The following IKZF4 variants were observed in gnomAD, a reference collection of about 807,000 sequenced individuals.
IKZF4 encodes the protein zinc finger protein Eos.
In IKZF4, 11 loss-of-function variants were observed where a neutral mutation model predicts 47.7. That is an observed-to-expected ratio of 0.23 (90% CI 0.15 to 0.38). The LOEUF (loss-of-function observed/expected upper bound fraction) is 0.38. IKZF4 is among the 10% of genes least tolerant of loss of function. IKZF4 has a pLI of 1.00. For missense variants in IKZF4, 557 were observed against 784.9 expected (o/e 0.71, Z 3.47); for synonymous variants, 298 against 299.4 (o/e 1.00, Z 0.05).
In IKZF4 at chr12:56,021,107, A is replaced by G; in HGVS notation, c.-387A>G. 7.3e-7 allele frequency: 1 copy of G among 1,365,128 alleles called. No homozygotes were observed. The allele number at this position is 1,365,128 out of a possible 1,614,324, so 84.6% of individuals were successfully genotyped here. ...CTTTGTCTGCTGGGCACGAGGGGCA[A>G]CAGCATCTGCCTTTCCCTCCCTGTG... On this transcript the variant is annotated 5_prime_UTR_variant, in exon 1 of 8. Coordinates refer to ENST00000547167, the MANE Select transcript of IKZF4 (RefSeq NM_022465.4).
At position 56,035,139 on chromosome 12, in the gene IKZF4, G is replaced by A. The variant is rs773586458; in HGVS notation, c.1566G>A (p.Glu522=). The A allele has an allele frequency of 4.3e-6, 7 of 1,614,042 alleles. No homozygotes were observed. Among genetic ancestry groups the A allele is most frequent in the Non-Finnish European group, 4.2e-6 (5 of 1,179,924 alleles). The change falls in exon 8 of 8, where the codon GAG becomes GAA. Residue 522 remains glutamate (E), a synonymous_variant. Coordinates refer to ENST00000547167, the MANE Select transcript of IKZF4 (RefSeq NM_022465.4). This position sits in a 1 kb window ranked among gnomAD's most constrained non-coding sequence, Gnocchi z 6.1. The part of the protein sequence containing the change: ...PSKEVLRVVG[E]SGEPVKAFKC... ...AGGAAGTGCTTCGGGTGGTGGGCGA[G>A]AGTGGTGAGCCTGTGAAGGCCTTCA... is the stretch of plus-strand genomic sequence containing the variant.
At chr12:56,034,091 C>T (rs979164039) in intron 7 of IKZF4, among the ~76,000 whole-genome samples, 14 of 152,028 alleles carry the variant, frequency 9.2e-5, no homozygotes, top group Admixed American at 2.0e-4. Context: ...TTAGTAGAGA[C>T]GGGGTTTCAC....
At chr12:56,014,877 G>A (rs1434066429) in intron 2 of IKZF4, among the ~76,000 whole-genome samples, 11 of 152,190 alleles carry the variant, frequency 7.2e-5, no homozygotes, top group Admixed American at 2.0e-4. Flanking sequence ...TTAATAGAAA[G>A]AGGACACCTC....
rs1331409393 is a variant in IKZF4, at chr12:56,035,878, G to C, written c.*547G>C. On this transcript the variant is annotated 3_prime_UTR_variant, in exon 8 of 8. Coordinates refer to ENST00000547167, the MANE Select transcript of IKZF4 (RefSeq NM_022465.4). The surrounding 1 kb of genome is among the most constrained non-coding windows in gnomAD (Gnocchi z 6.1). ...CTCCTCTCTGGGACTCTTCAACCTGGTACTCCATACCTCTTGTGCCCTCTC... is the reference window on the plus strand; with the variant it reads ...CTCCTCTCTGGGACTCTTCAACCTGCTACTCCATACCTCTTGTGCCCTCTC... 1.3e-5 allele frequency: 2 copies of C among 153,232 alleles called. No homozygotes were observed. The highest frequency in any genetic ancestry group is 2.9e-5 in the Non-Finnish European group (2 of 68,582). The allele number at this position is 153,232 out of a possible 1,614,324, so 9.5% of individuals were successfully genotyped here.
rs751214580 is a variant in IKZF4 at position 56,025,162 on chromosome 12, A to G, written c.286+4A>G. On this transcript the variant is annotated splice_donor_region_variant and intron_variant, in intron 3 of 7. Transcript: ENST00000547167. ...TCTCCTAGCCGCTCACTCAGTGGTA[A>G]GTGTAACCTCCTACCACCTCCTGGC... is the stretch of plus-strand genomic sequence containing the variant. 1 of 1,571,576 alleles carries G rather than the reference A, an allele frequency of 6.4e-7. No homozygotes were observed. The highest frequency in any genetic ancestry group is 8.6e-7 in the Non-Finnish European group (1 of 1,161,834).
At chr12:56,011,290 A>T (rs1891296667) in intron 1 of IKZF4, 1 of 152,198 alleles carries the variant, frequency 6.6e-6, no homozygotes, top group Non-Finnish European at 1.5e-5. Flanking sequence ...TATGTATCAT[A>T]TCTAGTGATT....
At position 56,034,837 on chromosome 12, in the gene IKZF4, G is replaced by T; in HGVS notation, c.1264G>T (p.Gly422Cys). 6.2e-7 allele frequency: 1 copy of T among 1,613,820 alleles called. No homozygotes were observed. The highest frequency in any genetic ancestry group is 8.5e-7 in the Non-Finnish European group (1 of 1,179,788). The change falls in exon 8 of 8, where the codon GGT (glycine) becomes TGT (cysteine). Residue 422 changes from glycine to cysteine, a missense_variant. Gly to Cys is a radical substitution (Grantham distance 159). Around this residue, in one of 6 missense-constraint regions of IKZF4, gnomAD observed 280 missense variants for 314.0 expected, o/e 0.89. Coordinates refer to ENST00000547167, the MANE Select transcript of IKZF4 (RefSeq NM_022465.4). ...GGAGCTTCCAGGATCCCGAGAAGCA[G>T]GTGAGGGACCTGAGGACCTGGCTGA... ...RLELPGSREA[G>C]EGPEDLADGG...
Position 56,036,695 on chromosome 12 carries a change from C to G in IKZF4, c.*1364C>G, listed in dbSNP as rs531093153. 1 of 152,318 alleles carries G rather than the reference C, an allele frequency of 6.6e-6. No homozygotes were observed. The highest frequency in any genetic ancestry group is 2.4e-5 in the African/African-American group (1 of 41,556). The allele number at this position is 152,318 out of a possible 1,614,324, so 9.4% of individuals were successfully genotyped here. A position where few individuals can be genotyped will look rare whatever the true frequency, so the allele number is the denominator to read the frequency against. Reference sequence around the variant, plus strand: ...CTTTACTACCCCCTTCTACACTCAGCTCCCAGACACAGGGTAGGAGGGGGG... The same window carrying G: ...CTTTACTACCCCCTTCTACACTCAGGTCCCAGACACAGGGTAGGAGGGGGG... On this transcript the variant is annotated 3_prime_UTR_variant, in exon 8 of 8. Coordinates refer to ENST00000547167, the MANE Select transcript of IKZF4 (RefSeq NM_022465.4).
chr12:56,015,990 C>T (rs1046135495), intron 2 of IKZF4, among the ~76,000 whole-genome samples: 2 of 152,138 alleles, frequency 1.3e-5, no homozygotes, highest in South Asian at 4.1e-4. Context: ...GGTTAATAAA[C>T]TTAGAGAATT....
Position 56,028,056 on chromosome 12 carries a change from G to A in IKZF4, c.715+109G>A, listed in dbSNP as rs370018599. The A allele has an allele frequency of 7.1e-5, 88 of 1,231,004 alleles. No individual in the cohort carries two copies. The East Asian group carries it at 8.1e-4, about 11-fold the overall frequency. 76.3% of individuals were successfully genotyped at this position (1,231,004 alleles called of 1,614,324 possible). A position where few individuals can be genotyped will look rare whatever the true frequency, so the allele number is the denominator to read the frequency against. On this transcript the variant is annotated intron_variant, in intron 5 of 7. Transcript: ENST00000547167. ...GAGTTCCAGTGTCTGTCATTGAGGA[G>A]GGGGGAGCATTTACAGAGCAGATAG...
chr12:56,030,644 C>A (rs923793300), intron 5 of IKZF4, among the ~76,000 whole-genome samples: 11 of 151,658 alleles, frequency 7.3e-5, no homozygotes, highest in Non-Finnish European at 8.8e-5. Context: ...CAGGAGAATT[C>A]CTTGAGCCCA....
Position 56,027,030 on chromosome 12 carries a change from G to A in IKZF4, c.536G>A (p.Arg179His), listed in dbSNP as rs777888384. 3.3e-6 allele frequency: 5 copies of A among 1,528,954 alleles called. No homozygotes were observed. Among genetic ancestry groups the A allele is most frequent in the Admixed American group, 2.0e-5 (1 of 49,452 alleles). 94.7% of individuals were successfully genotyped at this position (1,528,954 alleles called of 1,614,324 possible). The change falls in exon 4 of 8, where the codon CGC becomes CAC. Residue 179 changes from arginine (R) to histidine (H), a missense_variant. By Grantham distance (29) the Arg-to-His change is conservative (BLOSUM62 0). Transcript: ENST00000547167. ...IGPNVLMVHK[R>H]SHTGERPFHC... ...CCCAACGTGCTCATGGTGCACAAGC[G>A]CAGTCACACTGGTAAGTAAGCCAGA...
intron 3 of IKZF4, 37 bp downstream of exon 3, chr12:56,025,195 A>C: frequency 1.3e-6 from 2 of 1,497,204 alleles, no homozygotes; most frequent in African/African-American, 1.4e-5. Context: ...GGCAGTAGGC[A>C]CCCCCTGTTG....
At position 56,038,126 on chromosome 12, in the gene IKZF4, GA is replaced by G. The variant is rs999422956; in HGVS notation, c.*2797del. 1 of 151,340 alleles carries G rather than the reference GA, an allele frequency of 6.6e-6. No homozygotes were observed. Among genetic ancestry groups the G allele is most frequent in the Non-Finnish European group, 1.5e-5 (1 of 67,818 alleles). The allele number at this position is 151,340 out of a possible 1,614,324, so 9.4% of individuals were successfully genotyped here. On this transcript the variant is annotated 3_prime_UTR_variant, in exon 8 of 8. Transcript: ENST00000547167. ...AGAACAAAAAGAAAAAATAAACACAGAAGCAAGTGCAATACCACCTCTCTTC... is the reference window on the plus strand; with the variant it reads ...AGAACAAAAAGAAAAAATAAACACAGAGCAAGTGCAATACCACCTCTCTTC...
At chr12:56,017,309 G>A (rs1240564626), upstream of IKZF4, among the ~76,000 whole-genome samples, 1 of 131,792 alleles carries the variant, frequency 7.6e-6, no homozygotes, top group Non-Finnish European at 1.5e-5. Flanking sequence ...ACCATTTACA[G>A]GTTTAACTTG....
At chr12:56,015,321 C>T (rs533361076) in intron 2 of IKZF4, among the ~76,000 whole-genome samples, 18 of 151,780 alleles carry the variant, frequency 1.2e-4, no homozygotes, top group African/African-American at 2.9e-4. Flanking sequence ...GTGATCCGCC[C>T]GCCTCCGCCT....
intron 1 of IKZF4, among the ~76,000 whole-genome samples, chr12:56,008,103 G>A (rs116686330): frequency 1.1e-3 from 162 of 152,216 alleles, no homozygotes; most frequent in African/African-American, 3.7e-3. Context: ...GAGGGTATCT[G>A]AACAAAAAAA....
At chr12:56,033,560 A>G (rs1219004918) in intron 7 of IKZF4, among the ~76,000 whole-genome samples, 1 of 152,046 alleles carries the variant, frequency 6.6e-6, no homozygotes, top group Non-Finnish European at 1.5e-5. Flanking sequence ...ACAAAAAATT[A>G]GCCGGGCGTG....
chr12:56,021,560 C>T lies in IKZF4; in HGVS notation c.67C>T (p.His23Tyr), dbSNP rs202132270. 3.3e-4 allele frequency: 524 copies of T among 1,607,462 alleles called. 1 individual carries two copies. The highest frequency in any genetic ancestry group is 6.9e-4 in the Admixed American group (41 of 59,042). Residue 23 changes from histidine (H) to tyrosine (Y), a missense_variant, in exon 1 of 8, where the codon CAC (histidine) becomes TAC (tyrosine). By Grantham distance (83) the His-to-Tyr change is moderately conservative. Coordinates refer to ENST00000547167, the MANE Select transcript of IKZF4 (RefSeq NM_022465.4). ...CGGCCGCGTTCGCACCCCAGGGTCT[C>T]ACCGGCAAGGGAAGGATAATGTAAG... The part of the protein sequence containing the change: ...GGGRVRTPGS[H>Y]RQGKDNLERD...
Sources: allele counts gnomAD v4.1 joint callset (sites outside exome capture counted in the v4.1 genomes callset), GRCh38; gene constraint gnomAD v4.1.1; regional missense constraint gnomAD v4.1.1; non-coding constraint Gnocchi (gnomAD v3.1); transcripts MANE v1.5; gene names NCBI Gene and HGNC (gene_info 2026-07-23, HGNC 2026-07-21).